The following DNAH11 variants were observed in gnomAD, a reference collection of about 807,000 sequenced individuals.
DNAH11 encodes the protein dynein axonemal heavy chain 11.
DNAH11 carries 442 observed loss-of-function variants against 526.0 expected under a neutral mutation model. That is an observed-to-expected ratio of 0.84 (90% CI 0.78 to 0.91). DNAH11 has a LOEUF of 0.91. Ranked by LOEUF, DNAH11 falls within the 40% of genes least tolerant of loss-of-function variation. DNAH11 has a pLI of 0.00. For synonymous variants in DNAH11, 2,461 were observed against 1,935.9 expected (o/e 1.27, Z -7.12); for missense variants, 6,989 against 5,448.7 (o/e 1.28, Z -8.90).
In DNAH11 at chr7:21,710,596, C is replaced by G; in HGVS notation, c.6727C>G (p.Arg2243Gly). 1 of 1,612,272 alleles carries G rather than the reference C, an allele frequency of 6.2e-7. No homozygotes were observed. Among genetic ancestry groups the G allele is most frequent in the Non-Finnish European group, 8.5e-7 (1 of 1,178,796 alleles). Residue 2243 changes from arginine to glycine, a missense_variant, in exon 41 of 82, where the codon CGA becomes GGA. Arg to Gly is a moderately radical substitution (Grantham distance 125). Coordinates refer to ENST00000409508, the MANE Select transcript of DNAH11 (RefSeq NM_001277115.2). ...YFIGLFSSIL[R>G]EQANLKHDGP... ...TATAGGTCTCTTCTCATCCATTCTACGAGAACAAGCAAATCTTAAGCATGA... is the reference window on the plus strand; with the variant it reads ...TATAGGTCTCTTCTCATCCATTCTAGGAGAACAAGCAAATCTTAAGCATGA...
intron 65 of DNAH11, among the ~76,000 whole-genome samples, chr7:21,831,983 G>T (rs985618709): frequency 6.6e-6 from 1 of 152,000 alleles, no homozygotes; most frequent in Non-Finnish European, 1.5e-5. Flanking sequence ...CCAGCTACTC[G>T]GGAGGCTGAG....
intron 25 of DNAH11, among the ~76,000 whole-genome samples, chr7:21,634,223 G>T (rs1361364403): frequency 1.3e-5 from 2 of 152,190 alleles, no homozygotes; most frequent in Non-Finnish European, 2.9e-5. Flanking sequence ...TCAACACAGA[G>T]GTTCAGCCAA....
At chr7:21,804,517 T>G (rs1278494351) in intron 62 of DNAH11, among the ~76,000 whole-genome samples, 1 of 152,208 alleles carries the variant, frequency 6.6e-6, no homozygotes, top group East Asian at 1.9e-4. Context: ...CAAAAACTCA[T>G]AATTCACCCT....
chr7:21,652,802 A>G (rs1173293843), intron 28 of DNAH11, among the ~76,000 whole-genome samples: 2 of 152,234 alleles, frequency 1.3e-5, no homozygotes, highest in African/African-American at 4.8e-5. Context: ...TTTTTAAAAA[A>G]TGATTTGAGG....
chr7:21,887,598 G>A (rs1784172742), intron 76 of DNAH11, among the ~76,000 whole-genome samples: 1 of 152,118 alleles, frequency 6.6e-6, no homozygotes, highest in African/African-American at 2.4e-5. Context: ...TCAACTTACA[G>A]GTTTGCTGTC....
intron 30 of DNAH11, among the ~76,000 whole-genome samples, chr7:21,668,348 T>C (rs920951628): frequency 1.3e-5 from 2 of 152,160 alleles, no homozygotes; most frequent in Non-Finnish European, 2.9e-5. Context: ...ATAATATCTC[T>C]TCCTAGGGCA....
rs1315440559 is a variant in DNAH11, at chr7:21,745,003, A to C, written c.8450A>C (p.Asn2817Thr). ...ACGATTCTTACAGAAACGTTAGACA[A>C]CTACAATGAACTAAATGCTGCCATG... Reference protein sequence around the residue: ...LKTILTETLDNYNELNAAMHL... With the variant: ...LKTILTETLDTYNELNAAMHL... The change falls in exon 51 of 82, where the codon AAC becomes ACC. Residue 2817 changes from asparagine (N) to threonine (T), a missense_variant. Physicochemically the swap from Asn to Thr is moderately conservative, Grantham distance 65 (BLOSUM62 0). Transcript: ENST00000409508. The C allele has an allele frequency of 1.9e-6, 3 of 1,609,752 alleles. No individual in the cohort carries two copies. The highest frequency in any genetic ancestry group is 2.5e-6 in the Non-Finnish European group (3 of 1,178,028).
chr7:21,607,377 A>G (rs1380544990), intron 20 of DNAH11, among the ~76,000 whole-genome samples: 4 of 152,052 alleles, frequency 2.6e-5, no homozygotes, highest in Admixed American at 6.5e-5. Flanking sequence ...TCCTGACTCA[A>G]TTGTTAATCT....
Position 21,717,916 on chromosome 7 carries a change from C to T in DNAH11, c.7125C>T (p.Ser2375=). The change falls in exon 43 of 82, where the codon AGC becomes AGT. Residue 2375 remains serine, a synonymous_variant. Transcript: ENST00000409508. The part of the protein sequence containing the change: ...FKTITSIPES[S]LVQTLCVLLE... ...CCATCACTTCAATTCCTGAGAGTAG[C>T]CTGGTGCAGGTTTGTCTTCGGTTAC... The T allele has an allele frequency of 1.2e-6, 2 of 1,612,374 alleles. No individual in the cohort carries two copies. The highest frequency in any genetic ancestry group is 8.5e-7 in the Non-Finnish European group (1 of 1,178,900).
chr7:21,579,591 G>A (rs532144132), intron 8 of DNAH11, among the ~76,000 whole-genome samples: 1 of 152,292 alleles, frequency 6.6e-6, no homozygotes, highest in Non-Finnish European at 1.5e-5. Flanking sequence ...TTTGTGGCTG[G>A]ATCTGAGAGT....
At position 21,779,100 on chromosome 7, in the gene DNAH11, G is replaced by A. The variant is rs267601456; in HGVS notation, c.9479G>A (p.Arg3160Gln). ...AAGACCATCGCTGATGCTGAGGAGC[G>A]AAAGGTCAGGCTAATTCCAACATTT... The part of the protein sequence containing the change: ...REKTIADAEE[R>Q]KVTAIQTEVF... The change falls in exon 57 of 82, where the codon CGA (arginine) becomes CAA (glutamine). Residue 3160 changes from arginine to glutamine, a missense_variant. By Grantham distance (43) the Arg-to-Gln change is conservative. Transcript: ENST00000409508. 8.7e-6 allele frequency: 14 copies of A among 1,612,036 alleles called. No individual in the cohort carries two copies. The highest frequency in any genetic ancestry group is 4.4e-5 in the South Asian group (4 of 90,976).
At chr7:21,823,882 G>A (rs1047619585) in intron 65 of DNAH11, among the ~76,000 whole-genome samples, 14 of 152,272 alleles carry the variant, frequency 9.2e-5, no homozygotes, top group Non-Finnish European at 1.8e-4. Context: ...GAACACCAAA[G>A]ATGGTTTCCT....
At chr7:21,892,808 T>G in intron 77 of DNAH11, 141 bp downstream of exon 77, 1 of 984,702 alleles carries the variant, frequency 1.0e-6, no homozygotes, top group Non-Finnish European at 1.5e-6. Flanking sequence ...AAATAACATT[T>G]CCAACACTCC....
chr7:21,569,758 T>C (rs1783810390), intron 6 of DNAH11, among the ~76,000 whole-genome samples: 1 of 152,218 alleles, frequency 6.6e-6, no homozygotes, highest in Non-Finnish European at 1.5e-5. Flanking sequence ...GTTCAGAATA[T>C]TTGCTGGCAG....
At chr7:21,883,385 A>T (rs932418952) in intron 75 of DNAH11, among the ~76,000 whole-genome samples, 22 of 152,222 alleles carry the variant, frequency 1.4e-4, no homozygotes, top group Admixed American at 1.4e-3. Context: ...CAGCCAAATA[A>T]AGAGTAGGTA....
chr7:21,557,569 C>T (rs1351811332), intron 2 of DNAH11, among the ~76,000 whole-genome samples: 7 of 152,038 alleles, frequency 4.6e-5, no homozygotes, highest in African/African-American at 1.2e-4. Flanking sequence ...AGGACTCAGC[C>T]GTCATGACAA....
intron 75 of DNAH11, among the ~76,000 whole-genome samples, chr7:21,883,053 G>A (rs901678771): frequency 1.3e-5 from 2 of 152,274 alleles, no homozygotes; most frequent in East Asian, 1.9e-4. Context: ...AGCATGTTGC[G>A]GTCTAGGCAC....
chr7:21,548,761 A>C (rs1311771890), intron 2 of DNAH11, among the ~76,000 whole-genome samples: 1 of 152,296 alleles, frequency 6.6e-6, no homozygotes, highest in East Asian at 1.9e-4. Flanking sequence ...GAGTTCTCCT[A>C]TGGGCTTATT....
At chr7:21,740,361 C>G (rs76112503) in intron 48 of DNAH11, among the ~76,000 whole-genome samples, 6 of 152,132 alleles carry the variant, frequency 3.9e-5, no homozygotes, top group African/African-American at 1.4e-4. Flanking sequence ...ACTGAAACTC[C>G]ACCCACTGAG....
Sources: allele counts gnomAD v4.1 joint callset (sites outside exome capture counted in the v4.1 genomes callset), GRCh38; gene constraint gnomAD v4.1.1; transcripts MANE v1.5; gene names NCBI Gene and HGNC (gene_info 2026-07-23, HGNC 2026-07-21).